Variants in DNAH14 observed in about 807,000 individuals in gnomAD.
DNAH14 encodes the protein dynein axonemal heavy chain 14.
A neutral mutation model predicts 520.9 loss-of-function variants in DNAH14; 478 were observed. The observed-to-expected ratio is 0.92, with a 90% CI of 0.85 to 0.99. The LOEUF (loss-of-function observed/expected upper bound fraction) is 0.99. DNAH14 is among the 50% of genes least tolerant of loss of function. The pLI, the probability that DNAH14 is intolerant of heterozygous loss-of-function variation, is 0.00. For missense variants in DNAH14, 4,831 were observed against 5,234.5 expected, an observed-to-expected ratio of 0.92 and a Z score of 2.38; for synonymous variants, 1,581 against 1,757.2, an observed-to-expected ratio of 0.90 and a Z score of 2.51.
chr1:224,943,960 A>G (rs1279299867), intron 1 of DNAH14, among the ~76,000 whole-genome samples: 2 of 152,166 alleles, frequency 1.3e-5, no homozygotes, highest in African/African-American at 4.8e-5. Flanking sequence ...GCTGAGAAGA[A>G]TGTATATTCT....
intron 11 of DNAH14, among the ~76,000 whole-genome samples, chr1:225,033,326 GA>G (rs1341522554): frequency 3.3e-5 from 5 of 151,998 alleles, no homozygotes; most frequent in Non-Finnish European, 5.9e-5. Context: ...ACCATTTATT[GA>G]ATGGGGAGTG....
chr1:225,296,821 C>T (rs1442781098), intron 55 of DNAH14, among the ~76,000 whole-genome samples: 1 of 152,132 alleles, frequency 6.6e-6, no homozygotes, highest in Non-Finnish European at 1.5e-5. Context: ...CTCTCCTGTC[C>T]TTTAAGGTTT....
intron 11 of DNAH14, among the ~76,000 whole-genome samples, chr1:225,025,964 A>G (rs2066083124): frequency 6.6e-6 from 1 of 152,020 alleles, no homozygotes. Flanking sequence ...GGAAATATCT[A>G]TTCAAACTCT....
At chr1:225,174,959 TA>T (rs2083151086) in intron 36 of DNAH14, among the ~76,000 whole-genome samples, 1 of 152,236 alleles carries the variant, frequency 6.6e-6, no homozygotes, top group African/African-American at 2.4e-5. Context: ...CAGATTTTGT[TA>T]ATGAGATATA....
At chr1:225,147,359 G>T in intron 31 of DNAH14, 110 bp downstream of exon 31, 11 of 1,042,974 alleles carry the variant, frequency 1.1e-5, no homozygotes, top group East Asian at 7.2e-5. Context: ...TCTTTGGGGT[G>T]TTTTTTTTTT....
intron 17 of DNAH14, among the ~76,000 whole-genome samples, chr1:225,078,859 CCTCT>C (rs752732306): frequency 2.1e-3 from 39 of 19,002 alleles, no homozygotes; most frequent in South Asian, 7.8e-3. Context: ...TCTCTCTCTC[CCTCT>C]CTCTCTCTCT....
intron 8 of DNAH14, among the ~76,000 whole-genome samples, chr1:225,000,026 C>G (rs1455185889): frequency 6.6e-6 from 1 of 151,770 alleles, no homozygotes; most frequent in East Asian, 1.9e-4. Flanking sequence ...TGCAGTGTTC[C>G]TTCTTTTATT....
At chr1:225,393,911 CG>C (rs1553386664) in intron 84 of DNAH14, among the ~76,000 whole-genome samples, 1 of 151,880 alleles carries the variant, frequency 6.6e-6, no homozygotes. Context: ...CTCCGCCTCC[CG>C]GGTTCACACC....
At chr1:224,959,322 T>C (rs1018179155) in intron 3 of DNAH14, among the ~76,000 whole-genome samples, 31 of 152,096 alleles carry the variant, frequency 2.0e-4, no homozygotes, top group South Asian at 8.3e-4. Context: ...TCATTCAACA[T>C]TTGATCTTTG....
At chr1:225,106,282 T>A (rs1183263580) in intron 23 of DNAH14, among the ~76,000 whole-genome samples, 2 of 151,858 alleles carry the variant, frequency 1.3e-5, no homozygotes, top group Non-Finnish European at 2.9e-5. Context: ...CCTTTGTGGA[T>A]AACCCGACCT....
chr1:225,379,063 G>A (rs1455847797), intron 79 of DNAH14, among the ~76,000 whole-genome samples: 1 of 152,078 alleles, frequency 6.6e-6, no homozygotes, highest in East Asian at 1.9e-4. Flanking sequence ...CAGCTCTAGT[G>A]TTTAGTGGTT....
chr1:225,038,321 A>G (rs867287454), intron 11 of DNAH14, among the ~76,000 whole-genome samples: 27 of 151,858 alleles, frequency 1.8e-4, no homozygotes, highest in Admixed American at 1.3e-3. Context: ...TGGGAGTTTG[A>G]TTATTAAGTG....
chr1:225,176,482 T>G (rs1023198981), intron 36 of DNAH14, among the ~76,000 whole-genome samples: 2 of 152,192 alleles, frequency 1.3e-5, no homozygotes, highest in Non-Finnish European at 2.9e-5. Flanking sequence ...AGTTTAACTC[T>G]TATGTTTCTT....
intron 55 of DNAH14, among the ~76,000 whole-genome samples, chr1:225,296,955 A>G (rs1025579576): frequency 6.6e-6 from 1 of 152,158 alleles, no homozygotes; most frequent in African/African-American, 2.4e-5. Flanking sequence ...AATGTTCCTC[A>G]GATAGGCTTT....
rs991956785 is a variant in DNAH14 at position 225,065,523 on chromosome 1, C to T, written c.2425-13684C>T. 2.6e-5 allele frequency among the ~76,000 whole-genome samples: 4 copies of T among 151,720 alleles called. No individual in the cohort carries two copies. The East Asian group carries it at 5.8e-4, about 22-fold the overall frequency. The stretch of plus-strand genomic sequence containing the variant: ...CCTTTGACCATCATTCCATTTCCCC[C>T]ACCCATAGCCTTTAGTAAACACCAT... On this transcript the variant is annotated intron_variant, in intron 17 of 85. Transcript: ENST00000682510.
Position 225,340,964 on chromosome 1 carries a change from G to A in DNAH14, c.10678+263G>A, listed in dbSNP as rs1255647327. 6.0e-4 allele frequency among the ~76,000 whole-genome samples: 91 copies of A among 152,180 alleles called. 1 individual carries two copies. Among genetic ancestry groups the A allele is most frequent in the Admixed American group, 6.0e-3 (91 of 15,280 alleles). Reference sequence around the variant, plus strand: ...TATAAGTTCTAAGACAAATCTTACGGAATCTAGTTAGTTCCCTCCAAGGCT... The same window carrying A: ...TATAAGTTCTAAGACAAATCTTACGAAATCTAGTTAGTTCCCTCCAAGGCT... On this transcript the variant is annotated intron_variant, in intron 69 of 85. Coordinates refer to ENST00000682510, the MANE Select transcript of DNAH14 (RefSeq NM_001367479.1).
intron 77 of DNAH14, among the ~76,000 whole-genome samples, chr1:225,373,634 A>C (rs1252125053): frequency 2.6e-5 from 4 of 152,332 alleles, no homozygotes; most frequent in Non-Finnish European, 5.9e-5. Flanking sequence ...GTAAGGATAC[A>C]CAAGAATTCT....
At chr1:224,994,244 G>A (rs1475501093) in intron 8 of DNAH14, among the ~76,000 whole-genome samples, 1 of 151,922 alleles carries the variant, frequency 6.6e-6, no homozygotes, top group African/African-American at 2.4e-5. Context: ...TTTTCTGTCT[G>A]AATGATCTGT....
chr1:225,195,151 A>G (rs1243605413), intron 38 of DNAH14, among the ~76,000 whole-genome samples: 2 of 152,298 alleles, frequency 1.3e-5, no homozygotes, highest in Non-Finnish European at 2.9e-5. Flanking sequence ...CCATCCCATT[A>G]TTGGGCATAT....
Sources: allele counts gnomAD v4.1 joint callset (sites outside exome capture counted in the v4.1 genomes callset), GRCh38; gene constraint gnomAD v4.1.1; transcripts MANE v1.5; gene names NCBI Gene and HGNC (gene_info 2026-07-23, HGNC 2026-07-21).